Variants in NTN1 observed in about 807,000 individuals in gnomAD.
NTN1 encodes netrin-1.
A neutral mutation model predicts 54.2 loss-of-function variants in NTN1; 11 were observed. That is an observed-to-expected ratio of 0.20 (90% CI 0.13 to 0.34). The LOEUF is 0.34. Among genes scored for constraint, NTN1 ranks in the 10% least tolerant of loss-of-function variants. NTN1 has a pLI of 1.00. For synonymous variants in NTN1, 371 were observed against 382.0 expected, an observed-to-expected ratio of 0.97 and a Z score of 0.33; for missense variants, 740 against 893.1, an observed-to-expected ratio of 0.83 and a Z score of 2.18.
chr17:9,159,824 A>C lies in NTN1; in HGVS notation c.1019-2989A>C, dbSNP rs2092352462. ...TCAAATAAATAAATAAATAAATATA[A>C]ATAAAAATATAAAAACATGTAGGTT... On this transcript the variant is annotated intron_variant, in intron 2 of 6. Transcript: ENST00000173229. Among the ~76,000 whole-genome samples the C allele has an allele frequency of 2.0e-5, 3 of 151,956 alleles. No individual in the cohort carries two copies. The South Asian group carries it at 6.2e-4, about 31-fold the overall frequency.
chr17:9,023,368 C>A lies in NTN1; in HGVS notation c.995C>A (p.Ala332Asp). ...HYDRPWQRAT[A>D]REANECVACN... ...GACCGGCCCTGGCAGCGCGCCACAGCCCGCGAAGCCAACGAGTGCGTGGGT... is the reference window on the plus strand; with the variant it reads ...GACCGGCCCTGGCAGCGCGCCACAGACCGCGAAGCCAACGAGTGCGTGGGT... The change falls in exon 2 of 7, where the codon GCC (alanine) becomes GAC (aspartate). Residue 332 changes from alanine to aspartate, a missense_variant. By Grantham distance (126) the Ala-to-Asp change is moderately radical. Transcript: ENST00000173229. The A allele has an allele frequency of 6.8e-7, 1 of 1,478,160 alleles. No individual in the cohort carries two copies. 91.6% of individuals were successfully genotyped at this position (1,478,160 alleles called of 1,614,324 possible). A position where few individuals can be genotyped will look rare whatever the true frequency, so the allele number is the denominator to read the frequency against.
intron 2 of NTN1, among the ~76,000 whole-genome samples, chr17:9,141,573 T>C (rs1301302477): frequency 6.6e-6 from 1 of 151,848 alleles, no homozygotes; most frequent in Non-Finnish European, 1.5e-5. Flanking sequence ...GGCAGCACCA[T>C]GGAAGCTGGG....
chr17:9,187,801 A>C (rs1054541662), intron 5 of NTN1, among the ~76,000 whole-genome samples: 1 of 151,960 alleles, frequency 6.6e-6, no homozygotes, highest in African/African-American at 2.4e-5. Flanking sequence ...ACTGTACTCA[A>C]GCCTGGGTGA....
chr17:9,092,283 T>G (rs1032288691), intron 2 of NTN1, among the ~76,000 whole-genome samples: 1 of 150,702 alleles, frequency 6.6e-6, no homozygotes, highest in Non-Finnish European at 1.5e-5. Flanking sequence ...TGAGTAATAC[T>G]CCATTGTATG....
intron 2 of NTN1, among the ~76,000 whole-genome samples, chr17:9,046,160 A>G (rs1211694287): frequency 6.6e-6 from 1 of 152,264 alleles, no homozygotes; most frequent in East Asian, 1.9e-4. Flanking sequence ...GAAGGTGTAG[A>G]ATGTGTAAGG....
At chr17:9,168,197 T>A (rs1055576625) in intron 3 of NTN1, among the ~76,000 whole-genome samples, 4 of 152,216 alleles carry the variant, frequency 2.6e-5, no homozygotes, top group Non-Finnish European at 4.4e-5. Context: ...TTTATGATTA[T>A]CTTGATGATA....
At chr17:9,079,104 A>G (rs1017780600) in intron 2 of NTN1, among the ~76,000 whole-genome samples, 1 of 152,210 alleles carries the variant, frequency 6.6e-6, no homozygotes. Flanking sequence ...TGAGATGGCA[A>G]AGAAGCAGAA....
At chr17:9,050,686 A>C (rs1170262458) in intron 2 of NTN1, among the ~76,000 whole-genome samples, 8 of 151,800 alleles carry the variant, frequency 5.3e-5, no homozygotes, top group East Asian at 3.9e-4. Flanking sequence ...AAAAAAAAAA[A>C]AAAAAACCCT....
At position 9,090,425 on chromosome 17, in the gene NTN1, C is replaced by T. The variant is rs192406603; in HGVS notation, c.1018+67034C>T. On this transcript the variant is annotated intron_variant, in intron 2 of 6. Transcript: ENST00000173229. The stretch of plus-strand genomic sequence containing the variant: ...TCTTGACCTCATGATCCGCCTGCCT[C>T]GGCCTCCCAGAGTGCTGGGATTACA... 1.6e-3 allele frequency among the ~76,000 whole-genome samples: 250 copies of T among 152,250 alleles called. 1 individual carries two copies. Among genetic ancestry groups the T allele is most frequent in the Admixed American group, 4.4e-3 (68 of 15,290 alleles).
intron 2 of NTN1, among the ~76,000 whole-genome samples, chr17:9,134,869 G>A (rs943844085): frequency 2.6e-5 from 4 of 152,162 alleles, no homozygotes; most frequent in South Asian, 2.1e-4. Context: ...TCAATAAAGC[G>A]TCTTCCTCCT....
chr17:9,077,049 G>A (rs893274683), intron 2 of NTN1, among the ~76,000 whole-genome samples: 1 of 152,188 alleles, frequency 6.6e-6, no homozygotes, highest in Non-Finnish European at 1.5e-5. Flanking sequence ...TCAGACAGGT[G>A]GGTGAGCAGA....
chr17:9,206,072 G>A (rs1163037197), intron 5 of NTN1, among the ~76,000 whole-genome samples: 2 of 152,194 alleles, frequency 1.3e-5, no homozygotes, highest in African/African-American at 4.8e-5. Flanking sequence ...TGGTGGCAGA[G>A]CAGGGTCTGG....
At chr17:9,164,610 C>T (rs968309617) in intron 3 of NTN1, among the ~76,000 whole-genome samples, 5 of 152,170 alleles carry the variant, frequency 3.3e-5, no homozygotes, top group African/African-American at 1.2e-4. Context: ...ACACTTTTCT[C>T]AAAATAAACA....
intron 2 of NTN1, among the ~76,000 whole-genome samples, chr17:9,149,342 A>G (rs1181686831): frequency 6.6e-6 from 1 of 151,904 alleles, no homozygotes; most frequent in East Asian, 1.9e-4. Flanking sequence ...CAGAGCAAAG[A>G]GAATTTCATG....
intron 2 of NTN1, among the ~76,000 whole-genome samples, chr17:9,092,975 G>C (rs1389546388): frequency 6.6e-6 from 1 of 152,060 alleles, no homozygotes; most frequent in Non-Finnish European, 1.5e-5. Flanking sequence ...AGCCAGGATG[G>C]TCTCGATCTC....
At chr17:9,210,285 T>C (rs994371881) in intron 5 of NTN1, among the ~76,000 whole-genome samples, 2 of 152,094 alleles carry the variant, frequency 1.3e-5, no homozygotes, top group Non-Finnish European at 2.9e-5. Flanking sequence ...TAGGTCTTGT[T>C]CATGGGCTAC....
chr17:9,053,335 A>C (rs115432462), intron 2 of NTN1, among the ~76,000 whole-genome samples: 1,530 of 152,354 alleles, frequency 0.01, 27 homozygotes, highest in African/African-American at 0.032. Flanking sequence ...GAAAGGAATT[A>C]GCCCTTCCTG....
At chr17:9,226,022 C>T (rs1048613747) in intron 6 of NTN1, among the ~76,000 whole-genome samples, 50 of 152,166 alleles carry the variant, frequency 3.3e-4, no homozygotes, top group Admixed American at 2.0e-4. Context: ...AAGGCTGGGG[C>T]GGTGGGGGCC....
At chr17:9,180,355 T>C (rs9915336) in intron 4 of NTN1, among the ~76,000 whole-genome samples, 54,574 of 152,136 alleles carry the variant, frequency 0.36, 10,206 homozygotes, top group Middle Eastern at 0.49. Context: ...GTGGGTTCTG[T>C]CTTCAATGTG....
Sources: allele counts gnomAD v4.1 joint callset (sites outside exome capture counted in the v4.1 genomes callset), GRCh38; gene constraint gnomAD v4.1.1; transcripts MANE v1.5; gene names NCBI Gene and HGNC (gene_info 2026-07-23, HGNC 2026-07-21).